The following FGF14 variants were observed in gnomAD, a reference collection of about 807,000 sequenced individuals.
FGF14 encodes fibroblast growth factor 14.
In FGF14, 5 loss-of-function variants were observed where a neutral mutation model predicts 25.5. The observed-to-expected ratio is 0.20, with a 90% confidence interval of 0.10 to 0.41. The LOEUF (loss-of-function observed/expected upper bound fraction) is 0.41, where lower values mean the gene tolerates loss of function less well. FGF14 is among the 10% of genes least tolerant of loss of function. The pLI is 1.00. For missense variants in FGF14, 222 were observed against 320.1 expected (o/e 0.69, Z 2.34); for synonymous variants, 138 against 118.3 (o/e 1.17, Z -1.08).
chr13:102,187,669 C>T (rs1047904111), intron 1 of FGF14, among the ~76,000 whole-genome samples: 27 of 152,058 alleles, frequency 1.8e-4, no homozygotes, highest in African/African-American at 6.5e-4. Context: ...TGAGGACAGA[C>T]AAAACAGACA....
chr13:102,306,799 C>T (rs1436320287), intron 1 of FGF14, among the ~76,000 whole-genome samples: 1 of 152,122 alleles, frequency 6.6e-6, no homozygotes, highest in Non-Finnish European at 1.5e-5. Flanking sequence ...TATCCACCAT[C>T]TATCAGAAAA....
chr13:101,714,759 C>T lies in FGF14; in HGVS notation c.*8072G>A, dbSNP rs2034637438. On this transcript the variant is annotated 3_prime_UTR_variant, in exon 5 of 5. Coordinates refer to ENST00000376143, the MANE Select transcript of FGF14 (RefSeq NM_004115.4). ...CATAGAAGAATACAAGAGAATGAAG[C>T]TAAATTTTGTGATTATTTGGGATCC... 1 of 541,814 alleles carries T rather than the reference C, an allele frequency of 1.8e-6. No homozygotes were observed. The highest frequency in any genetic ancestry group is 3.3e-6 in the Non-Finnish European group (1 of 305,116). The allele number at this position is 541,814 out of a possible 1,614,324, so 33.6% of individuals were successfully genotyped here.
At chr13:102,360,401 T>A (rs1424314648) in intron 1 of FGF14, among the ~76,000 whole-genome samples, 1 of 152,152 alleles carries the variant, frequency 6.6e-6, no homozygotes, top group African/African-American at 2.4e-5. Flanking sequence ...AGCATGTTGA[T>A]CTAGATGGCA....
At chr13:102,203,443 C>T (rs1461555730) in intron 1 of FGF14, among the ~76,000 whole-genome samples, 1 of 151,994 alleles carries the variant, frequency 6.6e-6, no homozygotes, top group Non-Finnish European at 1.5e-5. Context: ...ACTGGGTGGC[C>T]CAAGAACAAG....
intron 1 of FGF14, among the ~76,000 whole-genome samples, chr13:102,009,282 GTGGA>G (rs891736141): frequency 2.6e-5 from 4 of 152,004 alleles, no homozygotes; most frequent in East Asian, 1.9e-4. Flanking sequence ...GTTTAGATGG[GTGGA>G]TGGATGGATG....
At chr13:101,852,516 C>T (rs535627926) in intron 3 of FGF14, among the ~76,000 whole-genome samples, 2 of 152,154 alleles carry the variant, frequency 1.3e-5, no homozygotes, top group East Asian at 1.9e-4. Flanking sequence ...ACACCATTTG[C>T]GTATGTGGGG....
At chr13:101,973,957 A>G (rs2037771222) in intron 1 of FGF14, among the ~76,000 whole-genome samples, 2 of 152,202 alleles carry the variant, frequency 1.3e-5, no homozygotes, top group Non-Finnish European at 2.9e-5. Flanking sequence ...ATCTTCCTTT[A>G]AAGGTCTGAT....
chr13:101,810,677 T>C (rs991238456), intron 3 of FGF14, among the ~76,000 whole-genome samples: 1 of 152,196 alleles, frequency 6.6e-6, no homozygotes, highest in African/African-American at 2.4e-5. Context: ...TGATAGGACA[T>C]TTTTGACATC....
intron 1 of FGF14, among the ~76,000 whole-genome samples, chr13:102,241,175 A>C (rs903252639): frequency 6.6e-6 from 1 of 152,114 alleles, no homozygotes; most frequent in African/African-American, 2.4e-5. Context: ...TCATACAGAA[A>C]GGGGCACTCT....
chr13:102,099,160 C>T (rs962422261), intron 1 of FGF14, among the ~76,000 whole-genome samples: 1 of 152,130 alleles, frequency 6.6e-6, no homozygotes, highest in Non-Finnish European at 1.5e-5. Context: ...ATTGACCATA[C>T]ACCATATTTA....
intron 3 of FGF14, among the ~76,000 whole-genome samples, chr13:101,792,192 G>A (rs993788596): frequency 2.6e-5 from 4 of 152,066 alleles, no homozygotes; most frequent in African/African-American, 9.7e-5. Context: ...GGCAAGAGTG[G>A]TATAAAGATT....
chr13:101,805,180 T>C (rs528133284), intron 3 of FGF14, among the ~76,000 whole-genome samples: 13 of 152,260 alleles, frequency 8.5e-5, no homozygotes, highest in African/African-American at 2.6e-4. Flanking sequence ...TGAAGCCTGA[T>C]AGGGTTGAGA....
intron 3 of FGF14, among the ~76,000 whole-genome samples, chr13:101,747,404 C>T (rs1219302924): frequency 6.6e-6 from 1 of 151,934 alleles, no homozygotes; most frequent in Non-Finnish European, 1.5e-5. Context: ...AGAAAAGTTA[C>T]AAAATGCTAC....
At chr13:101,782,852 C>T (rs2039590626) in intron 3 of FGF14, among the ~76,000 whole-genome samples, 1 of 152,104 alleles carries the variant, frequency 6.6e-6, no homozygotes, top group Admixed American at 6.5e-5. Flanking sequence ...TGAATATACA[C>T]TTGCATGTGT....
At chr13:101,981,693 G>C (rs751595830) in intron 1 of FGF14, among the ~76,000 whole-genome samples, 27 of 152,120 alleles carry the variant, frequency 1.8e-4, no homozygotes, top group Non-Finnish European at 3.2e-4. Context: ...TTATACTAGG[G>C]TGGGAAGAAG....
At chr13:102,001,517 G>A (rs981307191) in intron 1 of FGF14, among the ~76,000 whole-genome samples, 7 of 152,194 alleles carry the variant, frequency 4.6e-5, no homozygotes, top group African/African-American at 1.4e-4. Flanking sequence ...TGAGGGTTAG[G>A]AGATCAAATG....
chr13:101,928,470 T>G (rs1451593013), intron 1 of FGF14, among the ~76,000 whole-genome samples: 3 of 152,076 alleles, frequency 2.0e-5, no homozygotes, highest in Non-Finnish European at 4.4e-5. Context: ...GAGCACAGGA[T>G]ATTTTCATAT....
intron 3 of FGF14, among the ~76,000 whole-genome samples, chr13:101,731,738 A>G (rs1353770923): frequency 6.6e-6 from 1 of 152,192 alleles, no homozygotes; most frequent in Non-Finnish European, 1.5e-5. Flanking sequence ...ATTGAAAGTG[A>G]CCTTGAGAAT....
chr13:101,877,317 T>C (rs1380393212), intron 1 of FGF14, among the ~76,000 whole-genome samples: 2 of 152,220 alleles, frequency 1.3e-5, no homozygotes, highest in African/African-American at 2.4e-5. Context: ...TTGACGTTTT[T>C]CCTTTTTAGA....
Sources: gnomAD v4.1 joint callset for allele counts (sites outside exome capture counted in the v4.1 genomes callset) on GRCh38, gnomAD v4.1.1 for gene constraint, MANE v1.5 for transcripts, NCBI Gene and HGNC (gene_info 2026-07-23, HGNC 2026-07-21) for gene names.